Variants in BBS4 observed in about 807,000 individuals in gnomAD.
BBS4 encodes the protein BBSome complex member BBS4.
Under a neutral mutation model 71.4 loss-of-function variants are expected in BBS4, and 58 were observed. That is an observed-to-expected ratio of 0.81 (90% confidence interval 0.66 to 1.01). The LOEUF is 1.01. Ranked by LOEUF, BBS4 falls within the 50% of genes least tolerant of loss-of-function variation. The probability of loss-of-function intolerance (pLI) is 0.00; values close to 1 mark genes in which losing one functional copy is unlikely to be tolerated. For synonymous variants in BBS4, 228 were observed against 216.8 expected (o/e 1.05, Z -0.46); for missense variants, 660 against 607.9 (o/e 1.09, Z -0.90).
At position 72,695,215 on chromosome 15, in the gene BBS4, C is replaced by T. The variant is rs267604309; in HGVS notation, c.63C>T (p.Pro21=). The T allele has an allele frequency of 1.1e-5, 18 of 1,603,250 alleles. No individual in the cohort carries two copies. Among genetic ancestry groups the T allele is most frequent in the East Asian group, 1.1e-4 (5 of 44,772 alleles). The change falls in exon 2 of 16, where the codon CCC becomes CCT. Residue 21 remains proline, a synonymous_variant. Transcript: ENST00000268057. ...CTGTATCTACTGAGTCTCAAAAACC[C>T]CGGCAGAAAAAAGGTCTGTATGCAG... ...QFPVSTESQK[P]RQKKAPEFPI...
In BBS4 at chr15:72,710,195, GT is replaced by G. The variant is rs66684005; in HGVS notation, c.156+441del. Among the ~76,000 whole-genome samples the G allele has an allele frequency of 1.6e-3, 166 of 103,430 alleles. 18 individuals are homozygous for G. Among genetic ancestry groups the G allele is most frequent in the Admixed American group, 2.1e-3 (17 of 8,226 alleles). The allele number at this position is 103,430 out of a possible 152,430, so 67.9% of individuals were successfully genotyped here. A position where few individuals can be genotyped will look rare whatever the true frequency, so the allele number is the denominator to read the frequency against. ...TAGATGAAAAATGGTATTTTGTCGA[GT>G]TTTTTTTTTTTTTTTTTTTTTTTTG... On this transcript the variant is annotated intron_variant, in intron 3 of 15. Transcript: ENST00000268057.
chr15:72,696,228 A>G (rs564229715), intron 2 of BBS4, among the ~76,000 whole-genome samples: 2 of 152,196 alleles, frequency 1.3e-5, no homozygotes, highest in Non-Finnish European at 2.9e-5. Flanking sequence ...GTTTGTCTTT[A>G]TATAATATTC....
chr15:72,704,397 T>G (rs1462612968), intron 2 of BBS4: 1 of 1,258,386 alleles, frequency 7.9e-7, no homozygotes, highest in South Asian at 1.2e-5. Context: ...TGTGAAAGCA[T>G]ATAAGAACCA....
In BBS4 at chr15:72,709,705, G is replaced by A; in HGVS notation, c.82G>A (p.Glu28Lys). The change falls in exon 3 of 16, where the codon GAG becomes AAG. Residue 28 changes from glutamate (E) to lysine (K), a missense_variant. Glu to Lys is a moderately conservative substitution (Grantham distance 56). Transcript: ENST00000268057. ...TGTCAAAATATGCTGCCTAGCTCCAGAGTTTCCTATTTTGGAGAAGCAGAA... is the reference window on the plus strand; with the variant it reads ...TGTCAAAATATGCTGCCTAGCTCCAAAGTTTCCTATTTTGGAGAAGCAGAA... ...SQKPRQKKAP[E>K]FPILEKQNWL... 6.2e-7 allele frequency: 1 copy of A among 1,611,570 alleles called. No individual in the cohort carries two copies. Among genetic ancestry groups the A allele is most frequent in the Non-Finnish European group, 8.5e-7 (1 of 1,177,838 alleles).
intron 6 of BBS4, among the ~76,000 whole-genome samples, chr15:72,722,037 A>C (rs1405421268): frequency 6.6e-6 from 1 of 152,188 alleles, no homozygotes; most frequent in East Asian, 1.9e-4. Flanking sequence ...CCAGTTAATA[A>C]ATATTTTAAT....
At chr15:72,722,962 T>A in intron 7 of BBS4, 115 bp downstream of exon 7, 1 of 850,206 alleles carries the variant, frequency 1.2e-6, no homozygotes, top group Non-Finnish European at 2.0e-6. Flanking sequence ...AACTGAAAAT[T>A]GAAAGTACCT....
intron 12 of BBS4, among the ~76,000 whole-genome samples, chr15:72,734,755 CTAAG>C (rs1189651374): frequency 6.6e-6 from 1 of 151,984 alleles, no homozygotes; most frequent in Non-Finnish European, 1.5e-5. Flanking sequence ...GTGAGGATTC[CTAAG>C]TAGGATGGTA....
At chr15:72,722,880 A>G in intron 7 of BBS4, 33 bp downstream of exon 7, 3 of 1,585,080 alleles carry the variant, frequency 1.9e-6, no homozygotes, top group Non-Finnish European at 2.6e-6. Context: ...GATTTCACTG[A>G]GGGTGCACTT....
intron 12 of BBS4, among the ~76,000 whole-genome samples, chr15:72,733,866 T>C (rs932744308): frequency 6.6e-6 from 1 of 152,204 alleles, no homozygotes; most frequent in Non-Finnish European, 1.5e-5. Context: ...TCCACAATGG[T>C]TGAACTAATT....
At chr15:72,695,027 C>T in intron 1 of BBS4, 150 bp from the exon 2 acceptor site, 2 of 578,910 alleles carry the variant, frequency 3.5e-6, no homozygotes, top group Non-Finnish European at 6.2e-6. Flanking sequence ...GTTTTTTAAA[C>T]CATATTTAAA....
Position 72,725,809 on chromosome 15 carries a change from C to CT in BBS4, c.587+1156dup, listed in dbSNP as rs1354087943. On this transcript the variant is annotated intron_variant, in intron 8 of 15. Transcript: ENST00000268057. ...CCTCCTTCCCTCTTCCCCCATCCCC[C>CT]TTCCCCCATCCCCCTTTCCCCATCC... is the stretch of plus-strand genomic sequence containing the variant. Among the ~76,000 whole-genome samples the CT allele has an allele frequency of 1.5e-3, 33 of 21,742 alleles. 2 individuals are homozygous for CT. The highest frequency in any genetic ancestry group is 2.8e-3 in the Non-Finnish European group (27 of 9,772). The allele number at this position is 21,742 out of a possible 152,430, so 14.3% of individuals were successfully genotyped here. A position where few individuals can be genotyped will look rare whatever the true frequency, so the allele number is the denominator to read the frequency against.
At chr15:72,695,401 C>T (rs975985309) in intron 2 of BBS4, among the ~76,000 whole-genome samples, 173 bp downstream of exon 2, 2 of 152,060 alleles carry the variant, frequency 1.3e-5, no homozygotes, top group Non-Finnish European at 2.9e-5. Context: ...AATTCTCCTG[C>T]CTCAGCCTCC....
At chr15:72,722,644 G>A in intron 6 of BBS4, 150 bp from the exon 7 acceptor site, 1 of 688,910 alleles carries the variant, frequency 1.5e-6, no homozygotes, top group Non-Finnish European at 2.6e-6. Context: ...ATTAATTTGA[G>A]TATGAACTCT....
chr15:72,700,591 T>C (rs11072381), intron 2 of BBS4, among the ~76,000 whole-genome samples: 146,392 of 152,214 alleles, frequency 0.96, 70,676 homozygotes, highest in East Asian at 1. Flanking sequence ...TTGTGTAGTG[T>C]CTGCTCAAGT....
At chr15:72,718,083 A>G (rs191998643) in intron 6 of BBS4, among the ~76,000 whole-genome samples, 110 of 152,248 alleles carry the variant, frequency 7.2e-4, no homozygotes, top group Non-Finnish European at 1.2e-3. Flanking sequence ...TCCTGACCTC[A>G]GGTGATTCAC....
At chr15:72,697,901 T>C (rs1273058312) in intron 2 of BBS4, 1 of 441,030 alleles carries the variant, frequency 2.3e-6, no homozygotes, top group African/African-American at 2.0e-5. Context: ...AATGAAATTA[T>C]TGATCAGAAC....
chr15:72,728,729 T>C (rs888100507), intron 9 of BBS4, among the ~76,000 whole-genome samples: 1 of 152,158 alleles, frequency 6.6e-6, no homozygotes, highest in Non-Finnish European at 1.5e-5. Flanking sequence ...CCCCTCAACA[T>C]TCCTGAATGT....
intron 2 of BBS4, among the ~76,000 whole-genome samples, chr15:72,701,931 G>A (rs1053744995): frequency 2.0e-5 from 3 of 152,168 alleles, no homozygotes; most frequent in East Asian, 1.9e-4. Context: ...TTTGCCTCCC[G>A]GATTCAAGCA....
intron 2 of BBS4, among the ~76,000 whole-genome samples, chr15:72,699,267 T>G (rs1186819851): frequency 4.6e-5 from 7 of 152,128 alleles, no homozygotes; most frequent in Admixed American, 4.6e-4. Flanking sequence ...TTTGTCTTTT[T>G]AGTAGAAACG....
Sources: gnomAD v4.1 joint callset for allele counts (sites outside exome capture counted in the v4.1 genomes callset) on GRCh38, gnomAD v4.1.1 for gene constraint, MANE v1.5 for transcripts, NCBI Gene and HGNC (gene_info 2026-07-23, HGNC 2026-07-21) for gene names.